The following LPCAT1 variants were observed in gnomAD, a reference collection of about 807,000 sequenced individuals.
LPCAT1 encodes lysophosphatidylcholine acyltransferase 1.
In LPCAT1, 23 loss-of-function variants were observed where a neutral mutation model predicts 60.9. That is an observed-to-expected ratio of 0.38 (90% CI 0.27 to 0.53). The LOEUF is 0.53. Among genes scored for constraint, LPCAT1 ranks in the 20% least tolerant of loss-of-function variants. The pLI, the probability that LPCAT1 is intolerant of heterozygous loss-of-function variation, is 0.82. For missense variants in LPCAT1, 622 were observed against 723.6 expected (o/e 0.86, Z 1.61); for synonymous variants, 340 against 301.1 (o/e 1.13, Z -1.34).
At chr5:1,484,035 A>G (rs1425786895) in intron 5 of LPCAT1, among the ~76,000 whole-genome samples, 5 of 152,214 alleles carry the variant, frequency 3.3e-5, no homozygotes, top group Non-Finnish European at 7.4e-5. Context: ...CCAAGCACAT[A>G]CACCTGCCTC....
At chr5:1,482,873 C>T (rs1560966036) in intron 6 of LPCAT1, among the ~76,000 whole-genome samples, 1 of 152,166 alleles carries the variant, frequency 6.6e-6, no homozygotes, top group Non-Finnish European at 1.5e-5. Context: ...GCCCCAGGAG[C>T]TCTGGACCCC....
chr5:1,511,940 C>T (rs1032859659), intron 1 of LPCAT1, among the ~76,000 whole-genome samples: 1 of 152,206 alleles, frequency 6.6e-6, no homozygotes, highest in Non-Finnish European at 1.5e-5. Context: ...GCTGCAGCCC[C>T]AGCTGTCCCT....
At position 1,483,523 on chromosome 5, in the gene LPCAT1, C is replaced by T; in HGVS notation, c.668-37G>A. The T allele has an allele frequency of 3.1e-6, 5 of 1,607,698 alleles. No individual in the cohort carries two copies. The highest frequency in any genetic ancestry group is 4.3e-6 in the Non-Finnish European group (5 of 1,174,994). On this transcript the variant is annotated intron_variant, in intron 5 of 13. Transcript: ENST00000283415. The surrounding 1 kb of genome is among the most constrained non-coding windows in gnomAD (Gnocchi z 9.2). ...GGAACAGCGGTGTTGCCCATGGCAG[C>T]CCACGCAGGACAGCGTCTGCTGCGT...
At chr5:1,491,433 A>G (rs989633953) in intron 3 of LPCAT1, among the ~76,000 whole-genome samples, 8 of 147,252 alleles carry the variant, frequency 5.4e-5, no homozygotes, top group East Asian at 2.1e-4. Context: ...AGTTGTCTAT[A>G]ACGGCAAAGA....
intron 13 of LPCAT1, among the ~76,000 whole-genome samples, chr5:1,465,907 G>A (rs948254544): frequency 1.3e-5 from 2 of 152,244 alleles, no homozygotes; most frequent in Non-Finnish European, 1.5e-5. Context: ...ACACACGTGT[G>A]CACACACACG....
chr5:1,479,528 C>T, intron 8 of LPCAT1, 93 bp downstream of exon 8: 2 of 913,132 alleles, frequency 2.2e-6, no homozygotes, highest in Non-Finnish European at 3.7e-6. Context: ...TGATATGCCA[C>T]ATTGTACAAG....
At chr5:1,478,491 G>C (rs528607323) in intron 8 of LPCAT1, among the ~76,000 whole-genome samples, 44 of 152,376 alleles carry the variant, frequency 2.9e-4, no homozygotes, top group African/African-American at 1.1e-3. Context: ...CAACACCAGG[G>C]AGCCCTCAGG....
At chr5:1,511,243 T>C (rs933224396) in intron 1 of LPCAT1, among the ~76,000 whole-genome samples, 15 of 152,224 alleles carry the variant, frequency 9.9e-5, no homozygotes, top group Non-Finnish European at 2.2e-4. Flanking sequence ...CGGTTGGCTC[T>C]GCGGGGTTGA....
chr5:1,465,698 G>A (rs560354148), intron 13 of LPCAT1, among the ~76,000 whole-genome samples: 3 of 151,976 alleles, frequency 2.0e-5, no homozygotes, highest in Non-Finnish European at 2.9e-5. Context: ...GCACATGCAC[G>A]CACACACACA....
chr5:1,512,743 G>GC lies in LPCAT1; in HGVS notation c.135+10966dup, dbSNP rs1313570727. The stretch of plus-strand genomic sequence containing the variant: ...ACCCTGGCTCACACCCGTGATGCCA[G>GC]CACAGGGCATGGTGCTCACACATTG... On this transcript the variant is annotated intron_variant, in intron 1 of 13. Transcript: ENST00000283415. 7.2e-5 allele frequency among the ~76,000 whole-genome samples: 11 copies of GC among 152,242 alleles called. No homozygotes were observed. In the East Asian group the frequency reaches 2.1e-3, roughly 29 times the overall value.
chr5:1,479,229 T>C (rs1373470566), intron 8 of LPCAT1, among the ~76,000 whole-genome samples: 1 of 152,154 alleles, frequency 6.6e-6, no homozygotes, highest in Non-Finnish European at 1.5e-5. Context: ...GACCCATCTC[T>C]ACAAAAATTA....
chr5:1,469,926 C>T (rs1485775509), intron 12 of LPCAT1, among the ~76,000 whole-genome samples: 2 of 152,236 alleles, frequency 1.3e-5, no homozygotes, highest in Admixed American at 6.5e-5. Flanking sequence ...GGCTTTCTTA[C>T]ACAGAGCTGC....
At chr5:1,492,125 G>A (rs938423669) in intron 3 of LPCAT1, among the ~76,000 whole-genome samples, 4 of 151,904 alleles carry the variant, frequency 2.6e-5, no homozygotes, top group Non-Finnish European at 4.4e-5. Context: ...TGGGACCAGG[G>A]GAGATTATCT....
chr5:1,485,354 C>A (rs115570219), intron 5 of LPCAT1, among the ~76,000 whole-genome samples: 1,752 of 152,274 alleles, frequency 0.012, 41 homozygotes, highest in African/African-American at 0.041. Context: ...CACCCAGACC[C>A]CGCCAGCACT....
At chr5:1,513,244 C>A (rs946982246) in intron 1 of LPCAT1, among the ~76,000 whole-genome samples, 8 of 152,342 alleles carry the variant, frequency 5.3e-5, no homozygotes, top group Non-Finnish European at 1.2e-4. Flanking sequence ...CTGCACAAAT[C>A]CCCCTTCCCT....
intron 3 of LPCAT1, 77 bp from the exon 4 acceptor site, chr5:1,489,935 C>A: frequency 9.6e-7 from 1 of 1,044,220 alleles, no homozygotes; most frequent in Non-Finnish European, 1.5e-6. Context: ...GAGGGGGCTG[C>A]TGCATGGCGC....
At position 1,521,742 on chromosome 5, in the gene LPCAT1, G is replaced by A. The variant is rs1736684243; in HGVS notation, c.135+1968C>T. ...GATCTCTGCCTGGCTTCGGCCCAAG[G>A]GAGAACAGCTGCCCAAAGCCTTCAA... On this transcript the variant is annotated intron_variant, in intron 1 of 13. Coordinates refer to ENST00000283415, the MANE Select transcript of LPCAT1 (RefSeq NM_024830.5). This position sits in a 1 kb window ranked among gnomAD's most constrained non-coding sequence, Gnocchi z 4.3. 6.6e-6 allele frequency among the ~76,000 whole-genome samples: 1 copy of A among 152,106 alleles called. No individual in the cohort carries two copies. The highest frequency in any genetic ancestry group is 6.5e-5 in the Admixed American group (1 of 15,276).
rs1313185927 is a variant in LPCAT1 at position 1,462,111 on chromosome 5, G to A, written c.*1540C>T. ...CTGTCAGTGGAGAAACGCGTATCAC[G>A]AATCTCTGAGGAAGTTAGTAAACAT... is the stretch of plus-strand genomic sequence containing the variant. On this transcript the variant is annotated 3_prime_UTR_variant, in exon 14 of 14. Coordinates refer to ENST00000283415, the MANE Select transcript of LPCAT1 (RefSeq NM_024830.5). The A allele has an allele frequency of 4.6e-5, 7 of 152,454 alleles. No homozygotes were observed. The highest frequency in any genetic ancestry group is 8.8e-5 in the Non-Finnish European group (6 of 68,050). 9.4% of individuals were successfully genotyped at this position (152,454 alleles called of 1,614,324 possible).
In LPCAT1 at chr5:1,463,569, G is replaced by A. The variant is rs913813650; in HGVS notation, c.*82C>T. The A allele has an allele frequency of 1.2e-5, 18 of 1,468,498 alleles. No homozygotes were observed. Among genetic ancestry groups the A allele is most frequent in the South Asian group, 1.1e-4 (9 of 80,372 alleles). The allele number at this position is 1,468,498 out of a possible 1,614,324, so 91.0% of individuals were successfully genotyped here. ...TGCCTGTACAGCAGGAGTGAGGAGC[G>A]GAGCCCAGAGGTCACTCGCAAAGAG... is the stretch of plus-strand genomic sequence containing the variant. On this transcript the variant is annotated 3_prime_UTR_variant, in exon 14 of 14. Coordinates refer to ENST00000283415, the MANE Select transcript of LPCAT1 (RefSeq NM_024830.5).
Sources: gnomAD v4.1 joint callset for allele counts (sites outside exome capture counted in the v4.1 genomes callset) on GRCh38, gnomAD v4.1.1 for gene constraint, Gnocchi (gnomAD v3.1) non-coding constraint, MANE v1.5 for transcripts, NCBI Gene and HGNC (gene_info 2026-07-23, HGNC 2026-07-21) for gene names.